ME1: variants seen among roughly 807,000 people sequenced by gnomAD.
ME1 encodes malic enzyme 1.
ME1 carries 74 observed loss-of-function variants against 66.4 expected under a neutral mutation model. That is an observed-to-expected ratio of 1.11 (90% confidence interval 0.92 to 1.35). ME1 has a LOEUF of 1.35. Among genes scored for constraint, ME1 ranks in the 40% most tolerant of loss-of-function variants. The pLI, the probability that ME1 is intolerant of heterozygous loss-of-function variation, is 0.00. For missense variants in ME1, 750 were observed against 694.1 expected (o/e 1.08, Z -0.90); for synonymous variants, 251 against 235.6 (o/e 1.07, Z -0.60).
At chr6:83,370,117 T>C (rs1316927842) in intron 3 of ME1, among the ~76,000 whole-genome samples, 1 of 152,166 alleles carries the variant, frequency 6.6e-6, no homozygotes, top group African/African-American at 2.4e-5. Context: ...GGCTAAAATT[T>C]GTAAAGACCG....
At chr6:83,254,335 G>A (rs887945781) in intron 6 of ME1, among the ~76,000 whole-genome samples, 5 of 152,062 alleles carry the variant, frequency 3.3e-5, no homozygotes, top group African/African-American at 1.2e-4. Flanking sequence ...CATTCCTCCC[G>A]TCTAGCTTCA....
At chr6:83,372,000 C>T (rs115619007) in intron 3 of ME1, among the ~76,000 whole-genome samples, 18 of 152,150 alleles carry the variant, frequency 1.2e-4, no homozygotes, top group South Asian at 8.3e-4. Context: ...GTGTTTATCA[C>T]GCAATATTAT....
In ME1 at chr6:83,213,932, G is replaced by A. The variant is rs545721570; in HGVS notation, c.1549-1838C>T. Among the ~76,000 whole-genome samples, 397 of 152,088 alleles carry A rather than the reference G, an allele frequency of 2.6e-3. 1 individual carries two copies. Among genetic ancestry groups the A allele is most frequent in the Non-Finnish European group, 4.1e-3 (278 of 67,994 alleles). On this transcript the variant is annotated intron_variant, in intron 13 of 13. Transcript: ENST00000369705. ...AGGAAAAAAAATAATACTTATATTA[G>A]AAAAATAGGATATTGGTTATTTTCC...
chr6:83,369,480 T>C (rs1362295207), intron 3 of ME1, among the ~76,000 whole-genome samples: 2 of 152,092 alleles, frequency 1.3e-5, no homozygotes, highest in East Asian at 1.9e-4. Flanking sequence ...CTATCCTTAC[T>C]AAGATGGATA....
chr6:83,260,494 T>A (rs1766862677), intron 6 of ME1, among the ~76,000 whole-genome samples: 1 of 152,194 alleles, frequency 6.6e-6, no homozygotes, highest in South Asian at 2.1e-4. Flanking sequence ...TATGGGGGTT[T>A]GTTGTACAGA....
intron 2 of ME1, among the ~76,000 whole-genome samples, chr6:83,401,230 A>T (rs1769831921): frequency 6.6e-6 from 1 of 152,190 alleles, no homozygotes; most frequent in Admixed American, 6.5e-5. Context: ...AGCTACTTGG[A>T]AGGGTGAGGC....
intron 3 of ME1, among the ~76,000 whole-genome samples, chr6:83,376,543 G>A (rs547927666): frequency 2.6e-5 from 4 of 151,182 alleles, no homozygotes; most frequent in East Asian, 3.9e-4. Flanking sequence ...GCTCACACCT[G>A]TAATCCCAGC....
Position 83,395,720 on chromosome 6 carries a change from C to T in ME1, c.362+2647G>A, listed in dbSNP as rs1461596366. Among the ~76,000 whole-genome samples, 4 of 150,900 alleles carry T rather than the reference C, an allele frequency of 2.7e-5. No homozygotes were observed. In the East Asian group the frequency reaches 5.9e-4, roughly 22 times the overall value. On this transcript the variant is annotated intron_variant, in intron 3 of 13. Transcript: ENST00000369705. Reference sequence around the variant, plus strand: ...CAACCTCTTGACCTCGTGATCTGCCCGCCTCAGCCTCCCAAAGTGCTGGGA... The same window carrying T: ...CAACCTCTTGACCTCGTGATCTGCCTGCCTCAGCCTCCCAAAGTGCTGGGA...
intron 6 of ME1, among the ~76,000 whole-genome samples, chr6:83,293,092 G>A (rs967276561): frequency 6.6e-6 from 1 of 152,178 alleles, no homozygotes; most frequent in Non-Finnish European, 1.5e-5. Context: ...CTGACCGCTT[G>A]CACTTCCCAG....
chr6:83,319,527 G>A (rs1480504717), intron 5 of ME1, among the ~76,000 whole-genome samples: 1 of 152,002 alleles, frequency 6.6e-6, no homozygotes, highest in African/African-American at 2.4e-5. Flanking sequence ...GGATTATTAA[G>A]ACAGAGACAC....
At chr6:83,260,112 T>C (rs1298753127) in intron 6 of ME1, among the ~76,000 whole-genome samples, 3 of 151,972 alleles carry the variant, frequency 2.0e-5, no homozygotes, top group African/African-American at 7.2e-5. Context: ...CATTTTTATT[T>C]AGTATTTATT....
chr6:83,395,363 A>G (rs1284236610), intron 3 of ME1, among the ~76,000 whole-genome samples: 2 of 152,090 alleles, frequency 1.3e-5, no homozygotes, highest in East Asian at 3.8e-4. Flanking sequence ...CTGGAATTAC[A>G]GGTGTGAGCT....
chr6:83,342,519 C>T (rs1768606851), intron 5 of ME1, among the ~76,000 whole-genome samples: 1 of 152,140 alleles, frequency 6.6e-6, no homozygotes, highest in South Asian at 2.1e-4. Context: ...ATTACCTAGG[C>T]TTTGCTTAGG....
At position 83,319,165 on chromosome 6, in the gene ME1, A is replaced by AG. The variant is rs1196831634; in HGVS notation, c.601-3753dup. Among the ~76,000 whole-genome samples, 65 of 130,488 alleles carry AG rather than the reference A, an allele frequency of 5.0e-4. 1 individual carries two copies. Among genetic ancestry groups the AG allele is most frequent in the African/African-American group, 1.8e-3 (65 of 35,282 alleles). The allele number at this position is 130,488 out of a possible 152,430, so 85.6% of individuals were successfully genotyped here. A position where few individuals can be genotyped will look rare whatever the true frequency, so the allele number is the denominator to read the frequency against. Reference sequence around the variant, plus strand: ...CTGGGGACTGTTGTGGGGTCAGGGGAGGGGGGAGGGATAGCATTGGGAGAT... The same window carrying AG: ...CTGGGGACTGTTGTGGGGTCAGGGGAGGGGGGGAGGGATAGCATTGGGAGAT... On this transcript the variant is annotated intron_variant, in intron 5 of 13. Coordinates refer to ENST00000369705, the MANE Select transcript of ME1 (RefSeq NM_002395.6).
intron 12 of ME1, among the ~76,000 whole-genome samples, chr6:83,223,417 A>T (rs530395931): frequency 1.3e-5 from 2 of 152,358 alleles, no homozygotes; most frequent in South Asian, 4.1e-4. Context: ...AGCCTCCCAA[A>T]GTGCTGGGAT....
chr6:83,309,229 A>G (rs747195717), intron 6 of ME1, among the ~76,000 whole-genome samples: 15 of 151,506 alleles, frequency 9.9e-5, no homozygotes, highest in Admixed American at 4.6e-4. Context: ...ACTAAAGGGC[A>G]ATAAAGGAGG....
chr6:83,321,717 C>T (rs918456286), intron 5 of ME1, among the ~76,000 whole-genome samples: 6 of 152,306 alleles, frequency 3.9e-5, no homozygotes, highest in East Asian at 1.9e-4. Context: ...GGCAGCTGTG[C>T]GCACAGCTTC....
intron 3 of ME1, among the ~76,000 whole-genome samples, chr6:83,360,976 G>T (rs1373083493): frequency 6.6e-6 from 1 of 152,224 alleles, no homozygotes; most frequent in Non-Finnish European, 1.5e-5. Context: ...CCTTCAGCTA[G>T]CAAGGCCAGC....
intron 7 of ME1, among the ~76,000 whole-genome samples, chr6:83,247,297 T>C (rs1018634425): frequency 6.6e-6 from 1 of 152,222 alleles, no homozygotes; most frequent in East Asian, 1.9e-4. Flanking sequence ...TGCTGAATTC[T>C]GTTTGTCTTC....
Sources: allele counts gnomAD v4.1 joint callset (sites outside exome capture counted in the v4.1 genomes callset), GRCh38; gene constraint gnomAD v4.1.1; transcripts MANE v1.5; gene names NCBI Gene and HGNC (gene_info 2026-07-23, HGNC 2026-07-21).